The following LIPA variants were observed in gnomAD, a reference collection of about 807,000 sequenced individuals.
LIPA encodes lysosomal acid lipase/cholesteryl ester hydrolase.
A neutral mutation model predicts 40.6 loss-of-function variants in LIPA; 26 were observed. The observed-to-expected ratio is 0.64, with a 90% confidence interval of 0.47 to 0.89. LIPA has a LOEUF of 0.89. LIPA is among the 40% of genes least tolerant of loss of function. LIPA has a pLI of 0.00. For synonymous variants in LIPA, 188 were observed against 168.4 expected (o/e 1.12, Z -0.90); for missense variants, 455 against 479.6 (o/e 0.95, Z 0.48).
intron 1 of LIPA, among the ~76,000 whole-genome samples, chr10:89,281,326 T>C (rs1843313482): frequency 6.6e-6 from 1 of 152,226 alleles, no homozygotes; most frequent in Non-Finnish European, 1.5e-5. Context: ...AAGCAAGTTC[T>C]TTTTAGTAAT....
At chr10:89,332,395 A>T in intron 1 of LIPA, 1 of 1,036,326 alleles carries the variant, frequency 9.6e-7, no homozygotes, top group Non-Finnish European at 1.3e-6. Flanking sequence ...TGTCTGGAAC[A>T]TGTTCCTGGC....
At chr10:89,352,093 G>C (rs1324804768) in intron 2 of LIPA, among the ~76,000 whole-genome samples, 1 of 152,136 alleles carries the variant, frequency 6.6e-6, no homozygotes, top group Non-Finnish European at 1.5e-5. Flanking sequence ...TAAGGAGTAA[G>C]CAGAAACCAG....
intron 1 of LIPA, among the ~76,000 whole-genome samples, chr10:89,315,048 C>T (rs1843534793): frequency 1.3e-5 from 2 of 152,176 alleles, no homozygotes; most frequent in South Asian, 2.1e-4. Flanking sequence ...GGCAACTTTT[C>T]CCTGGGCTGG....
intron 2 of LIPA, among the ~76,000 whole-genome samples, chr10:89,376,301 T>G (rs1222058965): frequency 6.6e-6 from 1 of 152,068 alleles, no homozygotes; most frequent in East Asian, 1.9e-4. Flanking sequence ...CCTAAATCCT[T>G]CCTTGAATAG....
At chr10:89,411,672 G>A (rs1308560034) in intron 2 of LIPA, among the ~76,000 whole-genome samples, 1 of 152,234 alleles carries the variant, frequency 6.6e-6, no homozygotes, top group East Asian at 1.9e-4. Context: ...TTTGGCAGCA[G>A]CGACTCTCCA....
chr10:89,367,406 T>TAAGAGC (rs1844064326), intron 2 of LIPA, among the ~76,000 whole-genome samples: 1 of 152,248 alleles, frequency 6.6e-6, no homozygotes, highest in Non-Finnish European at 1.5e-5. Context: ...AGCTTCTGGC[T>TAAGAGC]TCTAGCTCTG....
chr10:89,385,004 A>G (rs1290220034), intron 2 of LIPA: 2 of 413,922 alleles, frequency 4.8e-6, no homozygotes, highest in Admixed American at 8.1e-5. Context: ...CTTTCTTGGA[A>G]CATAGCAAGT....
chr10:89,344,328 A>C (rs1047308734), upstream of LIPA, among the ~76,000 whole-genome samples: 2 of 152,242 alleles, frequency 1.3e-5, no homozygotes, highest in African/African-American at 4.8e-5. Flanking sequence ...GGTGATCTAC[A>C]TCACTTTCTC....
At chr10:89,362,619 T>G in intron 2 of LIPA, 1 of 373,068 alleles carries the variant, frequency 2.7e-6, no homozygotes, top group Non-Finnish European at 4.9e-6. Flanking sequence ...TGCCTGGGCG[T>G]ATCACCACAT....
chr10:89,298,918 G>A (rs1015112079), intron 1 of LIPA, among the ~76,000 whole-genome samples: 2 of 151,972 alleles, frequency 1.3e-5, no homozygotes, highest in Admixed American at 6.6e-5. Flanking sequence ...GGGAGGCAGA[G>A]GTTGCAGTGA....
intron 3 of LIPA, among the ~76,000 whole-genome samples, chr10:89,236,803 T>G (rs558098800): frequency 5.3e-5 from 8 of 152,358 alleles, no homozygotes; most frequent in African/African-American, 1.9e-4. Context: ...TCTAATATGA[T>G]TCTAGACTCT....
In LIPA at chr10:89,364,646, T is replaced by C. The variant is rs1337160475; in HGVS notation, c.61+48145A>G. Among the ~76,000 whole-genome samples, 3 of 149,290 alleles carry C rather than the reference T, an allele frequency of 2.0e-5. 1 individual carries two copies. Among genetic ancestry groups the C allele is most frequent in the Admixed American group, 1.3e-4 (2 of 14,930 alleles). Reference sequence around the variant, plus strand: ...AATAGTTCTAAAGTATTCATATATATGTATACATATAATATATATGTATAT... The same window carrying C: ...AATAGTTCTAAAGTATTCATATATACGTATACATATAATATATATGTATAT... On this transcript the variant is annotated intron_variant, in intron 2 of 8. Coordinates refer to the LIPA transcript ENST00000371837.
chr10:89,358,686 T>C (rs1046858304), intron 2 of LIPA, among the ~76,000 whole-genome samples: 1 of 152,126 alleles, frequency 6.6e-6, no homozygotes, highest in Non-Finnish European at 1.5e-5. Context: ...AAGACAAATA[T>C]TGCACATTCT....
At chr10:89,391,552 A>T (rs1308186632) in intron 2 of LIPA, among the ~76,000 whole-genome samples, 1 of 151,082 alleles carries the variant, frequency 6.6e-6, no homozygotes, top group East Asian at 2.0e-4. Flanking sequence ...ATTTTTTTAG[A>T]CGGAGTCTCG....
intron 1 of LIPA, among the ~76,000 whole-genome samples, chr10:89,321,701 C>T (rs944278457): frequency 2.6e-5 from 4 of 152,202 alleles, no homozygotes; most frequent in African/African-American, 9.7e-5. Context: ...CCATTTGACC[C>T]AGCCATCCCA....
chr10:89,230,508 T>C (rs1305547962), intron 3 of LIPA, among the ~76,000 whole-genome samples: 1 of 152,132 alleles, frequency 6.6e-6, no homozygotes, highest in Non-Finnish European at 1.5e-5. Context: ...TGTTTCACCA[T>C]GTTCCCAGGC....
At chr10:89,369,545 T>A (rs554714869) in intron 2 of LIPA, among the ~76,000 whole-genome samples, 1 of 152,326 alleles carries the variant, frequency 6.6e-6, no homozygotes, top group East Asian at 1.9e-4. Context: ...GGAGTTATCT[T>A]TATCAAGAAA....
At chr10:89,374,798 C>A (rs304508) in intron 2 of LIPA, among the ~76,000 whole-genome samples, 7 of 152,122 alleles carry the variant, frequency 4.6e-5, no homozygotes, top group African/African-American at 1.4e-4. Flanking sequence ...CTCTTCTCCC[C>A]CTACACAGGT....
At chr10:89,238,014 TTG>T in intron 3 of LIPA, among the ~76,000 whole-genome samples, 1 of 152,328 alleles carries the variant, frequency 6.6e-6, no homozygotes, top group Non-Finnish European at 1.5e-5. Flanking sequence ...GAAGATGCCA[TTG>T]TTGTTACAGA....
Sources: gnomAD v4.1 joint callset for allele counts (sites outside exome capture counted in the v4.1 genomes callset) on GRCh38, gnomAD v4.1.1 for gene constraint, MANE v1.5 for transcripts, NCBI Gene and HGNC (gene_info 2026-07-23, HGNC 2026-07-21) for gene names.